TMEM184A: variants seen among roughly 807,000 people sequenced by gnomAD.
TMEM184A encodes transmembrane protein 184A, also known as sexually dimorphic, expressed in male gonads 1.
TMEM184A carries 40 observed loss-of-function variants against 39.5 expected under a neutral mutation model. The observed-to-expected ratio is 1.01, with a 90% confidence interval of 0.79 to 1.32. The LOEUF is 1.32. TMEM184A is among the 40% of genes most tolerant of loss of function. The pLI, the probability that TMEM184A is intolerant of heterozygous loss-of-function variation, is 0.00. For missense variants in TMEM184A, 603 were observed against 568.8 expected (o/e 1.06, Z -0.61); for synonymous variants, 280 against 252.3 (o/e 1.11, Z -1.04).
intron 7 of TMEM184A, 133 bp downstream of exon 7, chr7:1,548,386 T>G: frequency 8.9e-7 from 1 of 1,121,168 alleles, no homozygotes; most frequent in Non-Finnish European, 1.3e-6. Flanking sequence ...TACCCTGGCT[T>G]CCAGCTGACC....
intron 6 of TMEM184A, 48 bp from the exon 7 acceptor site, chr7:1,548,736 C>T: frequency 6.3e-7 from 1 of 1,596,886 alleles, no homozygotes; most frequent in Non-Finnish European, 8.5e-7. Context: ...GACCCCGCCA[C>T]TGTCCCCACC....
rs1257354840 is a variant in TMEM184A at position 1,555,277 on chromosome 7, T to G, written c.208A>C (p.Thr70Pro). ...GIFVWTALVL[T>P]CHQIYLHLRS... ...GCGGAAGGGCTTACCTGGTGGCAGG[T>G]GAGCACCAGGGCAGTCCACACGAAG... The change falls in exon 2 of 9, where the codon ACC (threonine) becomes CCC (proline). Residue 70 changes from threonine to proline, a missense_variant. Physicochemically the swap from Thr to Pro is conservative, Grantham distance 38. Transcript: ENST00000297477. The surrounding 1 kb of genome is among the most constrained non-coding windows in gnomAD (Gnocchi z 5.2). 1.9e-6 allele frequency: 3 copies of G among 1,602,820 alleles called. No individual in the cohort carries two copies. The highest frequency in any genetic ancestry group is 1.3e-5 in the African/African-American group (1 of 74,396).
At position 1,550,806 on chromosome 7, in the gene TMEM184A, C is replaced by T; in HGVS notation, c.385+11G>A. On this transcript the variant is annotated intron_variant, in intron 3 of 8. Transcript: ENST00000297477. ...CTCCGCTCCCCCGACCTGACGCAGC[C>T]TGGCGCCCACCTTCGTAGCAGTCCC... 1 of 1,611,922 alleles carries T rather than the reference C, an allele frequency of 6.2e-7. No homozygotes were observed.
chr7:1,547,738 G>T lies in TMEM184A; in HGVS notation c.1012+4C>A. 3 of 1,611,128 alleles carry T rather than the reference G, an allele frequency of 1.9e-6. No individual in the cohort carries two copies. Among genetic ancestry groups the T allele is most frequent in the Non-Finnish European group, 2.5e-6 (3 of 1,179,132 alleles). On this transcript the variant is annotated splice_donor_region_variant and intron_variant, in intron 8 of 8. Coordinates refer to ENST00000297477, the MANE Select transcript of TMEM184A (RefSeq NM_001097620.2). ...GGGTGCCCCAGCTGGAAGGCAGGGT[G>T]TACCTGGTGAATTCTCCTTCTTCTC...
intron 2 of TMEM184A, among the ~76,000 whole-genome samples, chr7:1,553,096 A>G (rs1414533257): frequency 6.6e-6 from 1 of 151,998 alleles, no homozygotes; most frequent in Non-Finnish European, 1.5e-5. Context: ...TGATTATAGT[A>G]GTGTTTGCCT....
chr7:1,552,859 G>A (rs547910056), intron 2 of TMEM184A, among the ~76,000 whole-genome samples: 13 of 152,208 alleles, frequency 8.5e-5, no homozygotes, highest in Admixed American at 4.6e-4. Context: ...GTTCGAGACC[G>A]GCCTGGTCAA....
At chr7:1,553,531 C>T (rs778367241) in intron 2 of TMEM184A, among the ~76,000 whole-genome samples, 4 of 152,158 alleles carry the variant, frequency 2.6e-5, no homozygotes, top group Non-Finnish European at 4.4e-5. Context: ...GGGAGCTGGG[C>T]GCACAGGGGC....
At position 1,548,174 on chromosome 7, in the gene TMEM184A, C is replaced by T. The variant is rs138056025; in HGVS notation, c.815-235G>A. 5.9e-3 allele frequency among the ~76,000 whole-genome samples: 905 copies of T among 152,350 alleles called. 8 individuals are homozygous for T. Among genetic ancestry groups the T allele is most frequent in the Middle Eastern group, 0.014 (4 of 294 alleles). Reference sequence around the variant, plus strand: ...CGCCCTGCCACTCCAGCCCCAGATCCTGGGCCCGTGCCCTGTCTGGTGGCC... The same window carrying T: ...CGCCCTGCCACTCCAGCCCCAGATCTTGGGCCCGTGCCCTGTCTGGTGGCC... On this transcript the variant is annotated intron_variant, in intron 7 of 8. Coordinates refer to ENST00000297477, the MANE Select transcript of TMEM184A (RefSeq NM_001097620.2).
chr7:1,550,510 C>T (rs921380942), intron 3 of TMEM184A, 115 bp from the exon 4 acceptor site: 2 of 887,246 alleles, frequency 2.3e-6, no homozygotes, highest in Non-Finnish European at 1.7e-6. Flanking sequence ...CAGCAGGCCA[C>T]ACAGCAAGAG....
At position 1,550,880 on chromosome 7, in the gene TMEM184A, G is replaced by A. The variant is rs1417578283; in HGVS notation, c.322C>T (p.Leu108Phe). The A allele has an allele frequency of 1.2e-6, 2 of 1,613,802 alleles. No individual in the cohort carries two copies. Among genetic ancestry groups the A allele is most frequent in the Non-Finnish European group, 1.7e-6 (2 of 1,179,984 alleles). Residue 108 changes from leucine (L) to phenylalanine (F), a missense_variant, in exon 3 of 9, where the codon CTC becomes TTC. By Grantham distance (22) the Leu-to-Phe change is conservative. Coordinates refer to ENST00000297477, the MANE Select transcript of TMEM184A (RefSeq NM_001097620.2). ...PIYAFDSWLSLLLLGDHQYYV... is the reference protein window; with the variant it reads ...PIYAFDSWLSFLLLGDHQYYV... ...TACTGGTGGTCTCCGAGGAGGAGGAGGCTGAGCCAGGAGTCGAAGGCGTAG... is the reference window on the plus strand; with the variant it reads ...TACTGGTGGTCTCCGAGGAGGAGGAAGCTGAGCCAGGAGTCGAAGGCGTAG...
chr7:1,549,985 C>T (rs772116791), intron 5 of TMEM184A, 40 bp from the exon 6 acceptor site: 1 of 1,607,134 alleles, frequency 6.2e-7, no homozygotes, highest in Admixed American at 1.7e-5. Flanking sequence ...GGCCAGGTCC[C>T]CCAGGGGCCC....
chr7:1,552,025 C>T (rs989042166), intron 2 of TMEM184A, among the ~76,000 whole-genome samples: 6 of 152,050 alleles, frequency 3.9e-5, no homozygotes, highest in African/African-American at 1.4e-4. Flanking sequence ...GTCGCCCAGA[C>T]TGGAGTGCAG....
rs1236779134 is a variant in TMEM184A at position 1,546,752 on chromosome 7, C to T, written c.*200G>A. On this transcript the variant is annotated 3_prime_UTR_variant, in exon 9 of 9. Transcript: ENST00000297477. The stretch of plus-strand genomic sequence containing the variant: ...GGTGCCCTCTCCTGCGGTGGCGGGC[C>T]CACCTGGGTGCCTGCCAGGGCCATC... 1 of 527,876 alleles carries T rather than the reference C, an allele frequency of 1.9e-6. No homozygotes were observed. The allele number at this position is 527,876 out of a possible 1,614,324, so 32.7% of individuals were successfully genotyped here.
At chr7:1,548,406 G>C in intron 7 of TMEM184A, 113 bp downstream of exon 7, 1 of 1,284,338 alleles carries the variant, frequency 7.8e-7, no homozygotes, top group Non-Finnish European at 1.1e-6. Context: ...CTGTGCTGCA[G>C]CTGGAGAAAC....
chr7:1,548,897 G>T (rs1310971201), intron 6 of TMEM184A: 1 of 705,972 alleles, frequency 1.4e-6, no homozygotes, highest in Non-Finnish European at 2.5e-6. Flanking sequence ...CTATGCAGGG[G>T]TAGGGCAGGG....
chr7:1,542,850 G>C lies in TMEM184A; in HGVS notation c.*4102C>G, dbSNP rs1224025534. On this transcript the variant is annotated 3_prime_UTR_variant, in exon 9 of 9. Coordinates refer to ENST00000297477, the MANE Select transcript of TMEM184A (RefSeq NM_001097620.2). ...ACCCTGGCTTCTGTGCTACTTGGCA[G>C]TTCCATTTCATTATTTATTTTTTGT... 1.3e-5 allele frequency: 2 copies of C among 152,626 alleles called. No homozygotes were observed. The highest frequency in any genetic ancestry group is 6.5e-5 in the Admixed American group (1 of 15,278). The allele number at this position is 152,626 out of a possible 1,614,324, so 9.5% of individuals were successfully genotyped here. A position where few individuals can be genotyped will look rare whatever the true frequency, so the allele number is the denominator to read the frequency against.
rs372606852 is a variant in TMEM184A at position 1,550,167 on chromosome 7, G to A, written c.508C>T (p.Arg170Trp). The A allele has an allele frequency of 3.2e-5, 51 of 1,608,038 alleles. No homozygotes were observed. Among genetic ancestry groups the A allele is most frequent in the East Asian group, 4.5e-5 (2 of 44,686 alleles). ...SSCLYGTCCLRGMTYSIGFLR... is the reference protein window; with the variant it reads ...SSCLYGTCCLWGMTYSIGFLR... Reference sequence around the variant, plus strand: ...AACCCGATGGAGTAGGTCATGCCCCGGAGGCAGCAGGTGCCGTACAAGCAG... The same window carrying A: ...AACCCGATGGAGTAGGTCATGCCCCAGAGGCAGCAGGTGCCGTACAAGCAG... The change falls in exon 5 of 9, where the codon CGG (arginine) becomes TGG (tryptophan). Residue 170 changes from arginine to tryptophan, a missense_variant. By Grantham distance (101) the Arg-to-Trp change is moderately radical (BLOSUM62 -3). Coordinates refer to ENST00000297477, the MANE Select transcript of TMEM184A (RefSeq NM_001097620.2).
intron 2 of TMEM184A, among the ~76,000 whole-genome samples, chr7:1,552,669 C>T (rs1448453912): frequency 1.3e-5 from 2 of 152,090 alleles, no homozygotes; most frequent in East Asian, 1.9e-4. Flanking sequence ...GGACACGTCC[C>T]GGTCCTGGGC....
In TMEM184A at chr7:1,546,113, C is replaced by T. The variant is rs1320023077; in HGVS notation, c.*839G>A. ...CCCTGGACCACGAGGCTGCCCACCC[C>T]AGACAGGTGGGACCCCTTTCCCGCA... On this transcript the variant is annotated 3_prime_UTR_variant, in exon 9 of 9. Coordinates refer to ENST00000297477, the MANE Select transcript of TMEM184A (RefSeq NM_001097620.2). 6.5e-6 allele frequency: 1 copy of T among 152,702 alleles called. No homozygotes were observed. The highest frequency in any genetic ancestry group is 1.5e-5 in the Non-Finnish European group (1 of 68,248). 9.5% of individuals were successfully genotyped at this position (152,702 alleles called of 1,614,324 possible).
Sources: allele counts gnomAD v4.1 joint callset (sites outside exome capture counted in the v4.1 genomes callset), GRCh38; gene constraint gnomAD v4.1.1; non-coding constraint Gnocchi (gnomAD v3.1); transcripts MANE v1.5; gene names NCBI Gene and HGNC (gene_info 2026-07-23, HGNC 2026-07-21).